The following CDC123 variants were observed in gnomAD, a reference collection of about 807,000 sequenced individuals.
The protein encoded by CDC123 is cell division cycle 123.
A neutral mutation model predicts 54.4 loss-of-function variants in CDC123; 37 were observed. The observed-to-expected ratio is 0.68, with a 90% CI of 0.52 to 0.89. CDC123 has a LOEUF of 0.89. Among genes scored for constraint, CDC123 ranks in the 40% least tolerant of loss-of-function variants. The pLI is 0.00. For synonymous variants in CDC123, 144 were observed against 136.8 expected, an observed-to-expected ratio of 1.05 and a Z score of -0.37; for missense variants, 361 against 412.1, an observed-to-expected ratio of 0.88 and a Z score of 1.07.
chr10:12,210,953 C>T (rs367987621), intron 4 of CDC123, among the ~76,000 whole-genome samples: 64 of 152,132 alleles, frequency 4.2e-4, no homozygotes, highest in Non-Finnish European at 7.2e-4. Context: ...ACACCCGCCT[C>T]GGCCTCCCAA....
At chr10:12,240,199 A>C (rs528807757) in intron 10 of CDC123, among the ~76,000 whole-genome samples, 10 of 152,170 alleles carry the variant, frequency 6.6e-5, no homozygotes, top group Non-Finnish European at 1.2e-4. Context: ...TTAATGAAGA[A>C]TTACTAGAGC....
Position 12,246,266 on chromosome 10 carries a change from G to A in CDC123, c.835G>A (p.Ala279Thr), listed in dbSNP as rs546090484. Reference sequence around the variant, plus strand: ...AAACGGCGATTTTAGTGAAGTTGACGCTCAAGAGCAGGTACAACATTTTTA... The same window carrying A: ...AAACGGCGATTTTAGTGAAGTTGACACTCAAGAGCAGGTACAACATTTTTA... ...NLNGDFSEVD[A>T]QEQDSPAFRC... Residue 279 changes from alanine to threonine, a missense_variant, in exon 11 of 13, where the codon GCT becomes ACT. Physicochemically the swap from Ala to Thr is moderately conservative, Grantham distance 58. Transcript: ENST00000281141. The A allele has an allele frequency of 2.5e-5, 40 of 1,614,098 alleles. No individual in the cohort carries two copies. The East Asian group carries it at 3.1e-4, about 13-fold the overall frequency.
At position 12,206,946 on chromosome 10, in the gene CDC123, G is replaced by A. The variant is rs369878864; in HGVS notation, c.147-3021G>A. Among the ~76,000 whole-genome samples the A allele has an allele frequency of 1.5e-4, 20 of 131,598 alleles. No individual in the cohort carries two copies. The East Asian group carries it at 1.7e-3, about 11-fold the overall frequency. 86.3% of individuals were successfully genotyped at this position (131,598 alleles called of 152,430 possible). On this transcript the variant is annotated intron_variant, in intron 2 of 12. Transcript: ENST00000281141. The stretch of plus-strand genomic sequence containing the variant: ...TGCACTCCAGCGTGGGCAACAGAGC[G>A]AGACTCCATCTCAAAAAAAAAAAAA...
intron 7 of CDC123, among the ~76,000 whole-genome samples, chr10:12,234,492 T>C (rs974210705): frequency 6.6e-6 from 1 of 152,234 alleles, no homozygotes; most frequent in Non-Finnish European, 1.5e-5. Flanking sequence ...GTGCTGGGGT[T>C]ATAGGCGTGA....
chr10:12,229,065 G>A (rs1351598761), intron 6 of CDC123, among the ~76,000 whole-genome samples: 6 of 152,178 alleles, frequency 3.9e-5, no homozygotes, highest in Middle Eastern at 3.4e-3. Flanking sequence ...CCGCCTCTAC[G>A]CTTCTCCTTT....
chr10:12,225,543 C>T (rs575394930), intron 6 of CDC123, among the ~76,000 whole-genome samples: 2 of 152,270 alleles, frequency 1.3e-5, no homozygotes, highest in African/African-American at 4.8e-5. Context: ...AGCTCTGACA[C>T]ACCCTGAGGT....
intron 7 of CDC123, among the ~76,000 whole-genome samples, chr10:12,231,552 G>A (rs544089547): frequency 1.5e-4 from 23 of 150,388 alleles, no homozygotes; most frequent in Non-Finnish European, 2.2e-4. Context: ...TTGAACCCGG[G>A]AGGTGGAGGT....
chr10:12,246,416 A>G (rs1458668747), intron 11 of CDC123, 139 bp downstream of exon 11: 2 of 886,774 alleles, frequency 2.3e-6, no homozygotes. Flanking sequence ...ACTAATAGCT[A>G]ACCTGCCCAT....
At chr10:12,212,796 T>C (rs1175379986) in intron 4 of CDC123, among the ~76,000 whole-genome samples, 1 of 152,250 alleles carries the variant, frequency 6.6e-6, no homozygotes, top group African/African-American at 2.4e-5. Context: ...ATAAGGTGTA[T>C]ATGAAACGTA....
At chr10:12,246,545 G>C (rs372123908) in intron 11 of CDC123, 3 of 324,936 alleles carry the variant, frequency 9.2e-6, no homozygotes, top group South Asian at 8.7e-5. Context: ...GAGGAATCTT[G>C]GTCCCAGATC....
chr10:12,206,195 G>T (rs1194098330), intron 2 of CDC123, among the ~76,000 whole-genome samples: 10 of 152,144 alleles, frequency 6.6e-5, no homozygotes, highest in Non-Finnish European at 1.5e-4. Context: ...AGAACTATAT[G>T]AATACCTTGA....
chr10:12,229,172 C>T (rs1835866841), intron 6 of CDC123, among the ~76,000 whole-genome samples: 1 of 152,226 alleles, frequency 6.6e-6, no homozygotes, highest in Non-Finnish European at 1.5e-5. Flanking sequence ...GGTTGCTGCC[C>T]TTCCCCTAAA....
intron 12 of CDC123, 25 bp from the exon 13 acceptor site, chr10:12,250,286 A>C: frequency 6.7e-7 from 1 of 1,497,572 alleles, no homozygotes; most frequent in Non-Finnish European, 9.2e-7. Context: ...TGCTATTTTA[A>C]CATCCCCTTG....
chr10:12,215,436 G>A (rs555952867), intron 4 of CDC123, among the ~76,000 whole-genome samples: 6 of 152,170 alleles, frequency 3.9e-5, no homozygotes, highest in South Asian at 4.1e-4. Context: ...GTTTTATGTC[G>A]GTGTACAGAG....
intron 6 of CDC123, among the ~76,000 whole-genome samples, chr10:12,229,568 C>G (rs1194854641): frequency 1.3e-5 from 2 of 152,244 alleles, no homozygotes; most frequent in Non-Finnish European, 2.9e-5. Flanking sequence ...CCCTCCGACA[C>G]ACAGCAGCCA....
At chr10:12,239,268 T>C (rs1356470480) in intron 10 of CDC123, among the ~76,000 whole-genome samples, 1 of 152,080 alleles carries the variant, frequency 6.6e-6, no homozygotes, top group East Asian at 1.9e-4. Flanking sequence ...GCTGAAATCA[T>C]TGTGTACCAT....
chr10:12,215,762 C>T lies in CDC123; in HGVS notation c.260C>T (p.Ala87Val). 1 of 1,610,146 alleles carries T rather than the reference C, an allele frequency of 6.2e-7. No individual in the cohort carries two copies. The highest frequency in any genetic ancestry group is 8.5e-7 in the Non-Finnish European group (1 of 1,178,448). Residue 87 changes from alanine (A) to valine (V), a missense_variant, in exon 5 of 13, where the codon GCC becomes GTC. Coordinates refer to ENST00000281141, the MANE Select transcript of CDC123 (RefSeq NM_006023.3). ...TAGGCACCAGAATTTCCTGAGTTTGCCACTAAAGTCCAGGAAGCTATCAAT... is the reference window on the plus strand; with the variant it reads ...TAGGCACCAGAATTTCCTGAGTTTGTCACTAAAGTCCAGGAAGCTATCAAT... ...TLTAPEFPEF[A>V]TKVQEAINSL...
At chr10:12,222,279 C>T (rs1242301968) in intron 6 of CDC123, among the ~76,000 whole-genome samples, 2 of 152,150 alleles carry the variant, frequency 1.3e-5, no homozygotes, top group Non-Finnish European at 2.9e-5. Flanking sequence ...CTTTCCTGTT[C>T]TTCAAATGGT....
intron 6 of CDC123, 97 bp downstream of exon 6, chr10:12,217,564 T>C (rs1835679200): frequency 2.5e-6 from 3 of 1,205,250 alleles, no homozygotes; most frequent in Admixed American, 2.7e-5. Flanking sequence ...TTATAAATCA[T>C]AGCTCCATAT....
Sources: allele counts gnomAD v4.1 joint callset (sites outside exome capture counted in the v4.1 genomes callset), GRCh38; gene constraint gnomAD v4.1.1; transcripts MANE v1.5; gene names NCBI Gene and HGNC (gene_info 2026-07-23, HGNC 2026-07-21).